Variants in TBC1D5 observed in about 807,000 individuals in gnomAD.
TBC1D5 encodes the protein TBC1 domain family member 5, also known as TBC1 domain family, member 5.
Under a neutral mutation model 100.3 loss-of-function variants are expected in TBC1D5, and 75 were observed. That is an observed-to-expected ratio of 0.75 (90% CI 0.62 to 0.91). The LOEUF (loss-of-function observed/expected upper bound fraction) is 0.91, where lower values mean the gene tolerates loss of function less well. TBC1D5 is among the 40% of genes least tolerant of loss of function. The pLI is 0.00. For synonymous variants in TBC1D5, 323 were observed against 325.6 expected (o/e 0.99, Z 0.09); for missense variants, 910 against 942.4 (o/e 0.97, Z 0.45).
At chr3:17,600,104 A>AT (rs1332835481) in intron 2 of TBC1D5, among the ~76,000 whole-genome samples, 3 of 152,196 alleles carry the variant, frequency 2.0e-5, no homozygotes, top group African/African-American at 4.8e-5. Context: ...GTATTTTGAG[A>AT]TTTTGAGAAA....
At chr3:17,238,317 T>G (rs1423774298) in exon 17 of TBC1D5, 2 of 1,613,916 alleles carry the variant, frequency 1.2e-6, no homozygotes, top group African/African-American at 1.3e-5. Flanking sequence ...CAGGGCCACC[T>G]GCACTGCCTG....
intron 14 of TBC1D5, among the ~76,000 whole-genome samples, chr3:17,296,991 G>A (rs1482489632): frequency 6.6e-6 from 1 of 152,154 alleles, no homozygotes; most frequent in East Asian, 1.9e-4. Flanking sequence ...AAGAGATCAA[G>A]CAATAACATA....
At chr3:17,710,034 G>C (rs1399381167) in intron 1 of TBC1D5, among the ~76,000 whole-genome samples, 1 of 151,968 alleles carries the variant, frequency 6.6e-6, no homozygotes, top group African/African-American at 2.4e-5. Flanking sequence ...TCAATCTAAA[G>C]AATACATACC....
intron 1 of TBC1D5, among the ~76,000 whole-genome samples, chr3:17,710,505 A>C (rs1235655111): frequency 6.6e-6 from 1 of 151,998 alleles, no homozygotes; most frequent in East Asian, 1.9e-4. Context: ...CGGAGGTTGC[A>C]GTGAGCTGAG....
intron 3 of TBC1D5, among the ~76,000 whole-genome samples, chr3:17,467,546 G>A (rs2095321851): frequency 6.6e-6 from 1 of 151,642 alleles, no homozygotes; most frequent in Non-Finnish European, 1.5e-5. Flanking sequence ...ACATAATATA[G>A]ACACAAAAAA....
At chr3:17,441,455 T>A (rs1289678280) in intron 3 of TBC1D5, among the ~76,000 whole-genome samples, 1 of 152,170 alleles carries the variant, frequency 6.6e-6, no homozygotes, top group Non-Finnish European at 1.5e-5. Flanking sequence ...AGTCAGCCAT[T>A]TGAATATCTA....
chr3:17,321,349 G>A (rs2085378913), intron 13 of TBC1D5, among the ~76,000 whole-genome samples: 2 of 152,204 alleles, frequency 1.3e-5, no homozygotes, highest in Non-Finnish European at 2.9e-5. Flanking sequence ...GCTCAGTCCT[G>A]TGTATTATTT....
intron 13 of TBC1D5, among the ~76,000 whole-genome samples, chr3:17,356,240 G>A (rs574340662): frequency 1.3e-5 from 2 of 152,090 alleles, no homozygotes; most frequent in Non-Finnish European, 2.9e-5. Flanking sequence ...CTGATGGCTG[G>A]GGACTATTGA....
rs561875003 is a variant in TBC1D5, at chr3:17,430,726, A to G, written c.98-2207T>C. Among the ~76,000 whole-genome samples the G allele has an allele frequency of 1.9e-4, 29 of 152,068 alleles. No individual in the cohort carries two copies. The South Asian group carries it at 4.3e-3, about 23-fold the overall frequency. On this transcript the variant is annotated intron_variant, in intron 3 of 21. Transcript: ENST00000253692. ...GAAAACATCTGTTCCTTACAGTTAT[A>G]AACTCTTAATTTTAGTATGGACGAT...
chr3:17,228,790 T>C (rs993111333), intron 17 of TBC1D5, among the ~76,000 whole-genome samples: 2 of 152,018 alleles, frequency 1.3e-5, no homozygotes, highest in African/African-American at 2.4e-5. Context: ...TTTCCCTCTC[T>C]GAAACACTCA....
At chr3:17,309,615 T>C (rs2083771804) in intron 13 of TBC1D5, among the ~76,000 whole-genome samples, 4 of 152,106 alleles carry the variant, frequency 2.6e-5, no homozygotes, top group Admixed American at 2.6e-4. Context: ...TTGTCTAATA[T>C]GGCTGTGTTT....
intron 8 of TBC1D5, among the ~76,000 whole-genome samples, chr3:17,387,418 A>G (rs1159320459): frequency 6.6e-6 from 1 of 152,092 alleles, no homozygotes; most frequent in Non-Finnish European, 1.5e-5. Context: ...AGAGTTACAC[A>G]TAAGAACCTA....
At chr3:17,247,141 A>G (rs1049448327) in intron 16 of TBC1D5, among the ~76,000 whole-genome samples, 3 of 152,192 alleles carry the variant, frequency 2.0e-5, no homozygotes, top group African/African-American at 7.2e-5. Context: ...CCAGTAAAAA[A>G]TCCTGGGGGA....
chr3:17,544,650 G>GGAAAAA (rs1241247818), intron 2 of TBC1D5, among the ~76,000 whole-genome samples: 1 of 86,266 alleles, frequency 1.2e-5, no homozygotes, highest in African/African-American at 4.3e-5. Context: ...GACTCCGTCT[G>GGAAAAA]AAAAAAAAAA....
chr3:17,494,071 C>G (rs2095671860), intron 3 of TBC1D5, among the ~76,000 whole-genome samples: 1 of 152,172 alleles, frequency 6.6e-6, no homozygotes, highest in South Asian at 2.1e-4. Flanking sequence ...TACCTTCAAT[C>G]TTTGAGGCTG....
At chr3:17,178,254 A>T (rs1481492397) in intron 19 of TBC1D5, among the ~76,000 whole-genome samples, 1 of 151,732 alleles carries the variant, frequency 6.6e-6, no homozygotes, top group Non-Finnish European at 1.5e-5. Context: ...TTTAGTAGAG[A>T]CGGGGTTTCA....
At chr3:17,421,303 C>CTATA in intron 4 of TBC1D5, among the ~76,000 whole-genome samples, 1 of 152,218 alleles carries the variant, frequency 6.6e-6, no homozygotes, top group East Asian at 1.9e-4. Flanking sequence ...AACAAAAAGG[C>CTATA]TATACATTTT....
At chr3:17,179,897 G>A (rs1366617488) in intron 19 of TBC1D5, among the ~76,000 whole-genome samples, 3 of 152,218 alleles carry the variant, frequency 2.0e-5, no homozygotes, top group Admixed American at 2.0e-4. Context: ...GGGCATTAGA[G>A]CCCAGAAGGA....
chr3:17,188,956 T>C (rs73031271), intron 18 of TBC1D5, among the ~76,000 whole-genome samples: 109 of 152,344 alleles, frequency 7.2e-4, no homozygotes, highest in Non-Finnish European at 1.3e-3. Context: ...TATGTGTATG[T>C]CCTGCCTTCC....
Sources: allele counts gnomAD v4.1 joint callset (sites outside exome capture counted in the v4.1 genomes callset), GRCh38; gene constraint gnomAD v4.1.1; transcripts MANE v1.5; gene names NCBI Gene and HGNC (gene_info 2026-07-23, HGNC 2026-07-21).